Variants in TRPC3 observed in about 807,000 individuals in gnomAD.
TRPC3 encodes the protein transient receptor potential cation channel subfamily C member 3.
In TRPC3, 54 loss-of-function variants were observed where a neutral mutation model predicts 90.9. The ratio of observed to expected loss-of-function variants is 0.59; its 90% CI spans 0.48 to 0.75. The LOEUF is 0.75. TRPC3 is among the 30% of genes least tolerant of loss of function. The pLI is 0.00. For synonymous variants in TRPC3, 424 were observed against 450.9 expected (o/e 0.94, Z 0.75); for missense variants, 918 against 1,194.5 (o/e 0.77, Z 3.41).
rs1578667749 is a variant in TRPC3, at chr4:121,951,513, C to T, written c.168G>A (p.Arg56=). 1 of 1,377,754 alleles carries T rather than the reference C, an allele frequency of 7.3e-7. No homozygotes were observed. The highest frequency in any genetic ancestry group is 9.4e-7 in the Non-Finnish European group (1 of 1,065,746). The allele number at this position is 1,377,754 out of a possible 1,614,324, so 85.3% of individuals were successfully genotyped here. ...GLEPRSAPSQ[R]EPHGYCPPPF... ...GCGGCGGGCAGTAGCCGTGCGGCTCCCGCTGCGAGGGCGCCGAGCGCGGCT... is the reference window on the plus strand; with the variant it reads ...GCGGCGGGCAGTAGCCGTGCGGCTCTCGCTGCGAGGGCGCCGAGCGCGGCT... Residue 56 remains arginine (R), a synonymous_variant, in exon 1 of 12, where the codon CGG becomes CGA. Coordinates refer to ENST00000379645, the MANE Select transcript of TRPC3 (RefSeq NM_001130698.2). The surrounding 1 kb of genome is among the most constrained non-coding windows in gnomAD (Gnocchi z 4.4).
intron 6 of TRPC3, among the ~76,000 whole-genome samples, chr4:121,909,070 CATAA>C (rs1039626529): frequency 2.0e-5 from 3 of 152,066 alleles, no homozygotes; most frequent in Admixed American, 2.0e-4. Flanking sequence ...ATCAAATATA[CATAA>C]ATAAATTTCA....
chr4:121,940,355 C>T (rs1344525405), intron 1 of TRPC3, among the ~76,000 whole-genome samples: 3 of 152,096 alleles, frequency 2.0e-5, no homozygotes, highest in Non-Finnish European at 2.9e-5. Context: ...TAATGTGAAC[C>T]ACAGATTGGG....
At chr4:121,914,510 C>T (rs1347365303) in intron 4 of TRPC3, among the ~76,000 whole-genome samples, 1 of 152,250 alleles carries the variant, frequency 6.6e-6, no homozygotes, top group African/African-American at 2.4e-5. Flanking sequence ...TTCACTCAAG[C>T]AGCTTTTCCT....
At chr4:121,903,735 ACTT>A (rs1183131585) in intron 8 of TRPC3, among the ~76,000 whole-genome samples, 2 of 152,190 alleles carry the variant, frequency 1.3e-5, no homozygotes, top group African/African-American at 4.8e-5. Context: ...TAGGACCAAA[ACTT>A]CTACTTTGAG....
Position 121,951,600 on chromosome 4 carries a change from C to T in TRPC3, c.81G>A (p.Glu27=). The T allele has an allele frequency of 2.7e-6, 4 of 1,456,222 alleles. No homozygotes were observed. Among genetic ancestry groups the T allele is most frequent in the Non-Finnish European group, 3.6e-6 (4 of 1,099,328 alleles). 90.2% of individuals were successfully genotyped at this position (1,456,222 alleles called of 1,614,324 possible). The stretch of plus-strand genomic sequence containing the variant: ...GGCGCTGCGGCTCCGCGCCCTCGTC[C>T]TCGCCCTCGTCTTCCTCCTCCTCCG... ...PAPEEEEDEG[E]DEGAEPQRRR... Residue 27 remains glutamate, a synonymous_variant, in exon 1 of 12, where the codon GAG becomes GAA. Coordinates refer to ENST00000379645, the MANE Select transcript of TRPC3 (RefSeq NM_001130698.2). The surrounding 1 kb of genome is among the most constrained non-coding windows in gnomAD (Gnocchi z 4.4).
rs1728629649 is a variant in TRPC3, at chr4:121,899,476, C to A, written c.2547+136G>T. 5.5e-6 allele frequency: 3 copies of A among 543,060 alleles called. No homozygotes were observed. The African/African-American group carries it at 5.9e-5, about 11-fold the overall frequency. The allele number at this position is 543,060 out of a possible 1,614,324, so 33.6% of individuals were successfully genotyped here. On this transcript the variant is annotated intron_variant, in intron 10 of 11. Coordinates refer to ENST00000379645, the MANE Select transcript of TRPC3 (RefSeq NM_001130698.2). ...AATTTCACAGGTGTTGAATCATTTT[C>A]TTTGTTCTGAACTATCCTCATGGTA... is the stretch of plus-strand genomic sequence containing the variant.
At chr4:121,918,385 G>A (rs1005786137) in intron 3 of TRPC3, among the ~76,000 whole-genome samples, 1 of 152,176 alleles carries the variant, frequency 6.6e-6, no homozygotes, top group African/African-American at 2.4e-5. Context: ...AAATATTAAT[G>A]TTATAGCATA....
intron 9 of TRPC3, among the ~76,000 whole-genome samples, chr4:121,902,644 T>C (rs533042114): frequency 2.6e-5 from 4 of 152,204 alleles, no homozygotes; most frequent in South Asian, 2.1e-4. Flanking sequence ...GTTTATATGA[T>C]GTTCTGATCA....
At chr4:121,892,734 AAG>A (rs1359508356) in intron 10 of TRPC3, among the ~76,000 whole-genome samples, 30 of 152,090 alleles carry the variant, frequency 2.0e-4, no homozygotes, top group African/African-American at 6.8e-4. Context: ...ATCCTTAGAA[AAG>A]AAAACACAAC....
intron 1 of TRPC3, among the ~76,000 whole-genome samples, chr4:121,941,054 C>A (rs572675832): frequency 6.6e-6 from 1 of 152,262 alleles, no homozygotes; most frequent in Admixed American, 6.5e-5. Context: ...GCTACTTTAT[C>A]ATGATGCTGC....
chr4:121,891,855 G>T (rs372856106), intron 10 of TRPC3, among the ~76,000 whole-genome samples: 101 of 152,196 alleles, frequency 6.6e-4, no homozygotes, highest in African/African-American at 2.3e-3. Flanking sequence ...CTTGTCCCTT[G>T]TTAAGTTGGT....
rs151066568 is a variant in TRPC3, at chr4:121,948,826, T to C, written c.215+2640A>G. On this transcript the variant is annotated intron_variant, in intron 1 of 11. Transcript: ENST00000379645. The stretch of plus-strand genomic sequence containing the variant: ...CTTCTCTTCTTCGCACTTGACCCTT[T>C]ATAACTCTTTGCGGTTTTTTTTTTG... 1.3e-3 allele frequency among the ~76,000 whole-genome samples: 186 copies of C among 148,788 alleles called. 1 individual carries two copies. The highest frequency in any genetic ancestry group is 4.3e-3 in the African/African-American group (175 of 40,862).
intron 7 of TRPC3, among the ~76,000 whole-genome samples, chr4:121,905,317 C>A (rs184697356): frequency 6.6e-6 from 1 of 151,836 alleles, no homozygotes; most frequent in Non-Finnish European, 1.5e-5. Context: ...CCTGTAGACG[C>A]CTCTCTATTT....
Position 121,875,685 on chromosome 4 carries a change from TTATGAG to T in TRPC3, c.*4045_*4050del, listed in dbSNP as rs148262541. On this transcript the variant is annotated 3_prime_UTR_variant, in exon 12 of 12. Coordinates refer to ENST00000379645, the MANE Select transcript of TRPC3 (RefSeq NM_001130698.2). ...TTATGTTATGGTGCTAAAGCAACCA[TTATGAG>T]TATAAGTTAAACAACTTATGGCTAA... Among the ~76,000 whole-genome samples, 395 of 152,144 alleles carry T rather than the reference TTATGAG, an allele frequency of 2.6e-3. 1 individual carries two copies. The highest frequency in any genetic ancestry group is 9.0e-3 in the African/African-American group (372 of 41,518).
chr4:121,895,198 C>T (rs1226245238), intron 10 of TRPC3, among the ~76,000 whole-genome samples: 1 of 151,610 alleles, frequency 6.6e-6, no homozygotes, highest in Non-Finnish European at 1.5e-5. Context: ...CAATAAATGC[C>T]TACATCCATC....
intron 3 of TRPC3, among the ~76,000 whole-genome samples, chr4:121,916,351 T>C (rs1729317104): frequency 6.6e-6 from 1 of 152,230 alleles, no homozygotes; most frequent in South Asian, 2.1e-4. Context: ...CACTGATGGC[T>C]GCACTGGCAG....
At chr4:121,897,222 C>T (rs1343218442) in intron 10 of TRPC3, among the ~76,000 whole-genome samples, 1 of 151,802 alleles carries the variant, frequency 6.6e-6, no homozygotes, top group African/African-American at 2.4e-5. Flanking sequence ...CTTCAGGACA[C>T]TGGTCTGGGA....
chr4:121,906,266 T>C (rs1728877580), intron 7 of TRPC3, among the ~76,000 whole-genome samples: 1 of 152,104 alleles, frequency 6.6e-6, no homozygotes, highest in Non-Finnish European at 1.5e-5. Flanking sequence ...GTCTGCATGA[T>C]TTTCAGCCTA....
In TRPC3 at chr4:121,877,600, G is replaced by GC. The variant is rs1727798990; in HGVS notation, c.*2135dup. On this transcript the variant is annotated 3_prime_UTR_variant, in exon 12 of 12. Coordinates refer to ENST00000379645, the MANE Select transcript of TRPC3 (RefSeq NM_001130698.2). ...CACTGGTCCAGTAGAGGGCATCTGG[G>GC]CAGGGCATCAAAAACATCAACCACA... is the stretch of plus-strand genomic sequence containing the variant. Among the ~76,000 whole-genome samples the GC allele has an allele frequency of 4.6e-5, 7 of 152,034 alleles. No homozygotes were observed. The highest frequency in any genetic ancestry group is 4.6e-4 in the Admixed American group (7 of 15,266).
Sources: gnomAD v4.1 joint callset for allele counts (sites outside exome capture counted in the v4.1 genomes callset) on GRCh38, gnomAD v4.1.1 for gene constraint, Gnocchi (gnomAD v3.1) non-coding constraint, MANE v1.5 for transcripts, NCBI Gene and HGNC (gene_info 2026-07-23, HGNC 2026-07-21) for gene names.